The following HOOK3 variants were observed in gnomAD, a reference collection of about 807,000 sequenced individuals.
HOOK3 encodes hook microtubule tethering protein 3, also known as protein Hook homolog 3.
A neutral mutation model predicts 116.3 loss-of-function variants in HOOK3; 24 were observed. That is an observed-to-expected ratio of 0.21 (90% CI 0.15 to 0.29). The LOEUF (loss-of-function observed/expected upper bound fraction) is 0.29. Ranked by LOEUF, HOOK3 falls within the 10% of genes least tolerant of loss-of-function variation. The pLI, the probability that HOOK3 is intolerant of heterozygous loss-of-function variation, is 1.00. For missense variants in HOOK3, 632 were observed against 830.2 expected (o/e 0.76, Z 2.93); for synonymous variants, 275 against 283.0 (o/e 0.97, Z 0.28).
chr8:43,013,707 C>G (rs541749506), intron 21 of HOOK3, among the ~76,000 whole-genome samples: 5 of 152,286 alleles, frequency 3.3e-5, no homozygotes, highest in African/African-American at 9.6e-5. Flanking sequence ...AACACAGATG[C>G]AATAGTTTTT....
chr8:42,956,554 TTTTA>T (rs771610775), intron 6 of HOOK3, among the ~76,000 whole-genome samples: 8 of 152,014 alleles, frequency 5.3e-5, no homozygotes, highest in East Asian at 1.9e-4. Flanking sequence ...AGACCTTTAA[TTTTA>T]TTTATTTATT....
intron 13 of HOOK3, among the ~76,000 whole-genome samples, chr8:42,979,860 A>C (rs889836660): frequency 6.6e-6 from 1 of 152,140 alleles, no homozygotes; most frequent in East Asian, 1.9e-4. Flanking sequence ...GTTTTCACCA[A>C]AAATATATCG....
At chr8:42,939,632 A>C (rs1268751393) in intron 4 of HOOK3, among the ~76,000 whole-genome samples, 1 of 126,030 alleles carries the variant, frequency 7.9e-6, no homozygotes, top group Non-Finnish European at 1.7e-5. Flanking sequence ...TGACCCCCCC[A>C]CCTCCCTCCC....
intron 4 of HOOK3, among the ~76,000 whole-genome samples, chr8:42,939,258 C>T (rs577166968): frequency 3.7e-3 from 557 of 152,284 alleles, no homozygotes; most frequent in South Asian, 0.015. Context: ...GGGTGGTGGC[C>T]GGGAAGAGGG....
Position 43,018,819 on chromosome 8 carries a change from A to C in HOOK3, c.*321A>C, listed in dbSNP as rs1809768451. The stretch of plus-strand genomic sequence containing the variant: ...AGGTATAGGCTTTGTAATGAATTAG[A>C]TTTTCTGCCAATAATTGATATACAA... On this transcript the variant is annotated 3_prime_UTR_variant, in exon 22 of 22. Transcript: ENST00000307602. The C allele has an allele frequency of 3.9e-6, 1 of 257,102 alleles. No individual in the cohort carries two copies. The highest frequency in any genetic ancestry group is 5.8e-5 in the East Asian group (1 of 17,222). The allele number at this position is 257,102 out of a possible 1,614,324, so 15.9% of individuals were successfully genotyped here. A position where few individuals can be genotyped will look rare whatever the true frequency, so the allele number is the denominator to read the frequency against.
chr8:43,001,245 T>TA (rs1279603172), intron 16 of HOOK3, among the ~76,000 whole-genome samples: 1 of 152,038 alleles, frequency 6.6e-6, no homozygotes, highest in Non-Finnish European at 1.5e-5. Flanking sequence ...TTTGAAGTAT[T>TA]ATAGAGCTGT....
chr8:42,928,252 C>A (rs539221694), intron 3 of HOOK3, among the ~76,000 whole-genome samples: 1 of 151,852 alleles, frequency 6.6e-6, no homozygotes, highest in South Asian at 2.1e-4. Flanking sequence ...GCACTCCAGC[C>A]TGGCGACAGA....
At chr8:42,940,428 A>G (rs892787246) in intron 4 of HOOK3, among the ~76,000 whole-genome samples, 5 of 152,252 alleles carry the variant, frequency 3.3e-5, no homozygotes, top group African/African-American at 1.2e-4. Flanking sequence ...CCGAGATGGC[A>G]GCAGTACAGT....
At chr8:42,971,626 A>G (rs73627249) in intron 11 of HOOK3, among the ~76,000 whole-genome samples, 7,198 of 151,270 alleles carry the variant, frequency 0.048, 341 homozygotes, top group African/African-American at 0.12. Flanking sequence ...TGCTTTTTCA[A>G]ATCTCCCTGG....
At chr8:42,944,348 A>T (rs889477687) in intron 5 of HOOK3, among the ~76,000 whole-genome samples, 4 of 151,338 alleles carry the variant, frequency 2.6e-5, no homozygotes, top group Admixed American at 2.6e-4. Flanking sequence ...CCTGGGAGGC[A>T]GAGGTTGCAA....
intron 15 of HOOK3, among the ~76,000 whole-genome samples, chr8:42,990,741 A>C (rs553339382): frequency 6.6e-6 from 1 of 151,738 alleles, no homozygotes; most frequent in Admixed American, 6.6e-5. Flanking sequence ...TGAGATGGGG[A>C]GTTTGCATGT....
At position 42,925,524 on chromosome 8, in the gene HOOK3, A is replaced by G. The variant is rs370980704; in HGVS notation, c.144-33A>G. On this transcript the variant is annotated intron_variant, in intron 2 of 21. Coordinates refer to ENST00000307602, the MANE Select transcript of HOOK3 (RefSeq NM_032410.4). Reference sequence around the variant, plus strand: ...CTTTGTTTAGCTTGATAGCTACATGATTTTAATATGTAAGCTTTTTCTTAT... The same window carrying G: ...CTTTGTTTAGCTTGATAGCTACATGGTTTTAATATGTAAGCTTTTTCTTAT... 8 of 1,431,612 alleles carry G rather than the reference A, an allele frequency of 5.6e-6. No individual in the cohort carries two copies. The African/African-American group carries it at 7.2e-5, about 13-fold the overall frequency. 88.7% of individuals were successfully genotyped at this position (1,431,612 alleles called of 1,614,324 possible). A position where few individuals can be genotyped will look rare whatever the true frequency, so the allele number is the denominator to read the frequency against.
chr8:42,978,035 T>G (rs1470960547), intron 13 of HOOK3, among the ~76,000 whole-genome samples: 1 of 152,222 alleles, frequency 6.6e-6, no homozygotes, highest in Admixed American at 6.5e-5. Flanking sequence ...GTAACTAAAC[T>G]GTCCAAGACT....
intron 8 of HOOK3, among the ~76,000 whole-genome samples, chr8:42,961,690 G>T (rs772240821): frequency 4.6e-5 from 7 of 152,196 alleles, no homozygotes; most frequent in African/African-American, 1.7e-4. Flanking sequence ...ATTAGGAACC[G>T]TAAAAATATT....
intron 15 of HOOK3, among the ~76,000 whole-genome samples, chr8:42,987,190 C>T (rs530008123): frequency 3.9e-5 from 6 of 152,164 alleles, no homozygotes; most frequent in African/African-American, 1.2e-4. Context: ...AAAAAACCAA[C>T]AACAAAGATC....
At chr8:42,992,194 A>T (rs1421255563) in intron 15 of HOOK3, among the ~76,000 whole-genome samples, 1 of 127,744 alleles carries the variant, frequency 7.8e-6, no homozygotes, top group Non-Finnish European at 1.7e-5. Context: ...AGGTCAGGAG[A>T]TTGAGACCAT....
chr8:43,001,973 G>GT (rs1384759950), intron 16 of HOOK3, 134 bp from the exon 17 acceptor site: 7 of 597,362 alleles, frequency 1.2e-5, no homozygotes, highest in African/African-American at 1.1e-4. Context: ...TACATTGTGT[G>GT]TTTTCAGCTC....
rs977485631 is a variant in HOOK3, at chr8:43,025,380, T to C, written c.*6882T>C. ...CATTCCTAGAAAGTGGAGTGGATCA[T>C]TGGGATAAGAAATAGCCTAATTATA... is the stretch of plus-strand genomic sequence containing the variant. On this transcript the variant is annotated 3_prime_UTR_variant, in exon 22 of 22. Transcript: ENST00000307602. 1.7e-4 allele frequency: 37 copies of C among 212,754 alleles called. No individual in the cohort carries two copies. Among genetic ancestry groups the C allele is most frequent in the Non-Finnish European group, 7.6e-5 (8 of 105,188 alleles). 13.2% of individuals were successfully genotyped at this position (212,754 alleles called of 1,614,324 possible). A position where few individuals can be genotyped will look rare whatever the true frequency, so the allele number is the denominator to read the frequency against.
At chr8:42,980,437 T>G (rs1363842722) in intron 13 of HOOK3, among the ~76,000 whole-genome samples, 1 of 152,134 alleles carries the variant, frequency 6.6e-6, no homozygotes, top group Non-Finnish European at 1.5e-5. Flanking sequence ...CTGAAACTCA[T>G]GTTGAAAGTT....
Sources: gnomAD v4.1 joint callset for allele counts (sites outside exome capture counted in the v4.1 genomes callset) on GRCh38, gnomAD v4.1.1 for gene constraint, MANE v1.5 for transcripts, NCBI Gene and HGNC (gene_info 2026-07-23, HGNC 2026-07-21) for gene names.